SLC22A24: variants seen among roughly 807,000 people sequenced by gnomAD.
SLC22A24 encodes the protein steroid transmembrane transporter SLC22A24.
SLC22A24 carries 53 observed loss-of-function variants against 49.8 expected under a neutral mutation model. That is an observed-to-expected ratio of 1.06 (90% CI 0.85 to 1.34). SLC22A24 has a LOEUF of 1.34. SLC22A24 is among the 40% of genes most tolerant of loss of function. The pLI is 0.00. For missense variants in SLC22A24, 786 were observed against 675.9 expected, an observed-to-expected ratio of 1.16 and a Z score of -1.81; for synonymous variants, 302 against 256.4, an observed-to-expected ratio of 1.18 and a Z score of -1.70.
intron 2 of SLC22A24, among the ~76,000 whole-genome samples, chr11:63,126,093 C>T (rs1210127267): frequency 6.6e-6 from 1 of 150,590 alleles, no homozygotes; most frequent in Non-Finnish European, 1.5e-5. Context: ...CAAAAATTTT[C>T]TCCCATTCTG....
chr11:63,130,454 G>A (rs1481182021), intron 2 of SLC22A24, among the ~76,000 whole-genome samples: 1 of 152,086 alleles, frequency 6.6e-6, no homozygotes. Context: ...TTGTGTCTCT[G>A]TCAGGCTTTG....
At position 63,143,909 on chromosome 11, in the gene SLC22A24, T is replaced by A; in HGVS notation, c.-130A>T. The A allele has an allele frequency of 1.3e-6, 1 of 751,160 alleles. No individual in the cohort carries two copies. The highest frequency in any genetic ancestry group is 1.9e-6 in the Non-Finnish European group (1 of 533,264). The allele number at this position is 751,160 out of a possible 1,614,324, so 46.5% of individuals were successfully genotyped here. A position where few individuals can be genotyped will look rare whatever the true frequency, so the allele number is the denominator to read the frequency against. On this transcript the variant is annotated 5_prime_UTR_variant, in exon 1 of 10. Coordinates refer to ENST00000612278, the MANE Select transcript of SLC22A24 (RefSeq NM_001136506.2). ...GATCCTGACACTGCTTTCTTCTTGG[T>A]GGGCCCTGCACTGAGTGGTGTGACA...
At chr11:63,092,253 G>A (rs1242167454) in intron 6 of SLC22A24, among the ~76,000 whole-genome samples, 1 of 151,480 alleles carries the variant, frequency 6.6e-6, no homozygotes, top group Non-Finnish European at 1.5e-5. Context: ...AATAAGAGAG[G>A]ACACAAACAA....
intron 2 of SLC22A24, among the ~76,000 whole-genome samples, chr11:63,126,098 A>G (rs185583756): frequency 3.9e-5 from 6 of 152,054 alleles, no homozygotes; most frequent in Non-Finnish European, 8.8e-5. Flanking sequence ...ATTTTCTCCC[A>G]TTCTGTATGT....
intron 4 of SLC22A24, among the ~76,000 whole-genome samples, chr11:63,107,737 C>G (rs776928145): frequency 1.3e-5 from 2 of 152,026 alleles, no homozygotes; most frequent in African/African-American, 2.4e-5. Context: ...CTCTGTGTGT[C>G]TGTTATTGGT....
intron 5 of SLC22A24, among the ~76,000 whole-genome samples, chr11:63,101,188 C>G (rs1020528890): frequency 6.6e-6 from 1 of 152,018 alleles, no homozygotes; most frequent in East Asian, 1.9e-4. Context: ...ATAAGGAGCT[C>G]AACCCTCATA....
intron 4 of SLC22A24, among the ~76,000 whole-genome samples, chr11:63,107,753 G>T (rs1034784311): frequency 2.8e-4 from 42 of 152,004 alleles, no homozygotes; most frequent in African/African-American, 9.9e-4. Flanking sequence ...TTGGTATATA[G>T]GAATGCTTGT....
chr11:63,129,690 C>T (rs529506619), intron 2 of SLC22A24, among the ~76,000 whole-genome samples: 2 of 152,258 alleles, frequency 1.3e-5, no homozygotes, highest in Admixed American at 1.3e-4. Context: ...GGAGGTTCTT[C>T]ACATCCCTTG....
In SLC22A24 at chr11:63,096,090, A is replaced by C. The variant is rs1410228034; in HGVS notation, c.971T>G (p.Met324Arg). The part of the protein sequence containing the change: ...TLTTELVRST[M>R]KKELDAVRIK... Reference sequence around the variant, plus strand: ...TCGGACTGCATCCAACTCCTTCTTCATGGTGGATCTCACAAGCTTCAGCAA... The same window carrying C: ...TCGGACTGCATCCAACTCCTTCTTCCTGGTGGATCTCACAAGCTTCAGCAA... The change falls in exon 6 of 10, where the codon ATG (methionine) becomes AGG (arginine). Residue 324 changes from methionine (M) to arginine (R), a missense_variant. Coordinates refer to ENST00000612278, the MANE Select transcript of SLC22A24 (RefSeq NM_001136506.2). The C allele has an allele frequency of 6.5e-7, 1 of 1,549,878 alleles. No individual in the cohort carries two copies. Among genetic ancestry groups the C allele is most frequent in the Admixed American group, 2.0e-5 (1 of 50,938 alleles).
chr11:63,143,298 G>T, intron 1 of SLC22A24, 80 bp downstream of exon 1: 1 of 1,266,818 alleles, frequency 7.9e-7, no homozygotes, highest in Non-Finnish European at 1.0e-6. Context: ...AGGACTAAAG[G>T]TATAAAGCAA....
chr11:63,134,794 C>T, intron 1 of SLC22A24, 26 bp from the exon 2 acceptor site: 1 of 1,486,926 alleles, frequency 6.7e-7, no homozygotes, highest in East Asian at 2.4e-5. Context: ...AGCAGTACAG[C>T]AGAGCTTGAG....
At chr11:63,096,380 T>G (rs1365889928) in intron 5 of SLC22A24, among the ~76,000 whole-genome samples, 1 of 152,170 alleles carries the variant, frequency 6.6e-6, no homozygotes, top group Non-Finnish European at 1.5e-5. Context: ...AATATTTGCA[T>G]TATAAATCGG....
At chr11:63,124,312 A>C (rs1037013589) in intron 2 of SLC22A24, among the ~76,000 whole-genome samples, 8 of 152,268 alleles carry the variant, frequency 5.3e-5, no homozygotes, top group Admixed American at 2.6e-4. Context: ...GGGGGAAGAA[A>C]GACAGAAAAA....
chr11:63,112,900 A>G (rs2087176655), intron 4 of SLC22A24, among the ~76,000 whole-genome samples: 1 of 149,754 alleles, frequency 6.7e-6, no homozygotes, highest in Non-Finnish European at 1.5e-5. Flanking sequence ...CTGTAGTCCC[A>G]GCTACTCAGG....
chr11:63,096,300 C>T (rs972290213), intron 5 of SLC22A24, among the ~76,000 whole-genome samples, 194 bp from the exon 6 acceptor site: 3 of 152,026 alleles, frequency 2.0e-5, no homozygotes, highest in Non-Finnish European at 4.4e-5. Flanking sequence ...GAAATGGGAA[C>T]TCAGAGGAAT....
intron 1 of SLC22A24, among the ~76,000 whole-genome samples, chr11:63,140,107 G>A (rs1442451809): frequency 1.0e-4 from 15 of 142,914 alleles, no homozygotes; most frequent in African/African-American, 3.9e-4. Context: ...TTTTGAGACG[G>A]GGTCTTGCTC....
At chr11:63,095,162 G>T (rs1161853705) in intron 6 of SLC22A24, among the ~76,000 whole-genome samples, 1 of 152,148 alleles carries the variant, frequency 6.6e-6, no homozygotes, top group Non-Finnish European at 1.5e-5. Flanking sequence ...TTTTGTGTAA[G>T]GTGTAAGGGA....
At position 63,079,948 on chromosome 11, in the gene SLC22A24, G is replaced by C. The variant is rs139977495; in HGVS notation, c.1651C>G (p.Gln551Glu). 39 of 1,543,300 alleles carry C rather than the reference G, an allele frequency of 2.5e-5. 1 individual carries two copies. Among genetic ancestry groups the C allele is most frequent in the Non-Finnish European group, 3.2e-5 (37 of 1,139,444 alleles). ...CAGGTCTTGGGAATCTCTTAAAACT[G>C]TGTTACTTTCATGCAAGTATCTTCC... is the stretch of plus-strand genomic sequence containing the variant. ...KQEDTCMKVT[Q>E]F is the part of the protein sequence containing the mutation. The change falls in exon 10 of 10, where the codon CAG (glutamine) becomes GAG (glutamate). Residue 551 changes from glutamine to glutamate, a missense_variant. Gln to Glu is a conservative substitution (Grantham distance 29, BLOSUM62 2). Transcript: ENST00000612278.
chr11:63,101,669 C>A (rs1214514777), intron 5 of SLC22A24, among the ~76,000 whole-genome samples: 1 of 151,878 alleles, frequency 6.6e-6, no homozygotes, highest in African/African-American at 2.4e-5. Context: ...TTCACAATAG[C>A]CAAGATATGG....
Sources: gnomAD v4.1 joint callset for allele counts (sites outside exome capture counted in the v4.1 genomes callset) on GRCh38, gnomAD v4.1.1 for gene constraint, MANE v1.5 for transcripts, NCBI Gene and HGNC (gene_info 2026-07-23, HGNC 2026-07-21) for gene names.